ZNF827: variants seen among roughly 807,000 people sequenced by gnomAD.
The protein encoded by ZNF827 is zinc finger protein 827.
A neutral mutation model predicts 102.4 loss-of-function variants in ZNF827; 13 were observed. That is an observed-to-expected ratio of 0.13 (90% CI 0.08 to 0.20). The LOEUF is 0.20. Among genes scored for constraint, ZNF827 ranks in the 10% least tolerant of loss-of-function variants. The pLI, the probability that ZNF827 is intolerant of heterozygous loss-of-function variation, is 1.00. For missense variants in ZNF827, 1,103 were observed against 1,344.4 expected, an observed-to-expected ratio of 0.82 and a Z score of 2.81; for synonymous variants, 523 against 536.2, an observed-to-expected ratio of 0.98 and a Z score of 0.34.
At chr4:145,897,868 C>T (rs1751095738) in intron 2 of ZNF827, among the ~76,000 whole-genome samples, 1 of 152,130 alleles carries the variant, frequency 6.6e-6, no homozygotes, top group African/African-American at 2.4e-5. Context: ...CTTATTGAGA[C>T]TTATGGCCGG....
chr4:145,787,663 A>T (rs1739085130), intron 8 of ZNF827, among the ~76,000 whole-genome samples: 1 of 152,094 alleles, frequency 6.6e-6, no homozygotes, highest in African/African-American at 2.4e-5. Context: ...GGCCCTGGGA[A>T]TATGAAACCT....
intron 8 of ZNF827, among the ~76,000 whole-genome samples, chr4:145,809,402 G>C (rs982669663): frequency 6.6e-6 from 1 of 152,182 alleles, no homozygotes; most frequent in Non-Finnish European, 1.5e-5. Context: ...TAACCATGGG[G>C]AGAATTTAGT....
At chr4:145,792,527 T>C (rs957414244) in intron 8 of ZNF827, among the ~76,000 whole-genome samples, 10 of 144,678 alleles carry the variant, frequency 6.9e-5, no homozygotes, top group Non-Finnish European at 1.2e-4. Flanking sequence ...TAGGAATAGA[T>C]ATATAATTTT....
intron 4 of ZNF827, among the ~76,000 whole-genome samples, chr4:145,872,654 A>G (rs1748802721): frequency 6.6e-6 from 1 of 152,106 alleles, no homozygotes; most frequent in African/African-American, 2.4e-5. Context: ...AAGCAGGCAG[A>G]TCACTTGAGG....
intron 8 of ZNF827, among the ~76,000 whole-genome samples, chr4:145,811,850 T>C (rs1742041771): frequency 6.6e-6 from 1 of 152,068 alleles, no homozygotes; most frequent in Non-Finnish European, 1.5e-5. Context: ...GCTCATTTGA[T>C]AAAAAAGGTT....
At chr4:145,932,743 G>T (rs534127625) in intron 1 of ZNF827, among the ~76,000 whole-genome samples, 1 of 152,234 alleles carries the variant, frequency 6.6e-6, no homozygotes, top group African/African-American at 2.4e-5. Context: ...CAAAGTGTTG[G>T]GATTACAGGC....
chr4:145,867,983 A>G (rs138413848), intron 5 of ZNF827, among the ~76,000 whole-genome samples: 3 of 152,348 alleles, frequency 2.0e-5, no homozygotes, highest in East Asian at 3.9e-4. Flanking sequence ...TAAAATTACA[A>G]TTTGAGGAAA....
At chr4:145,932,980 C>T (rs558758192) in intron 1 of ZNF827, among the ~76,000 whole-genome samples, 2 of 152,264 alleles carry the variant, frequency 1.3e-5, no homozygotes, top group South Asian at 2.1e-4. Context: ...TAACACTGGC[C>T]GAAAGCTGTC....
rs181930192 is a variant in ZNF827, at chr4:145,912,012, T to G, written c.44-8797A>C. On this transcript the variant is annotated intron_variant, in intron 1 of 14. Coordinates refer to ENST00000508784, the MANE Select transcript of ZNF827 (RefSeq NM_001306215.2). ...CCCAAGTTCCAAAAAGTTAATGGCT[T>G]ACACAACATGCATGCTTACTGAGTG... is the stretch of plus-strand genomic sequence containing the variant. Among the ~76,000 whole-genome samples, 286 of 152,320 alleles carry G rather than the reference T, an allele frequency of 1.9e-3. 2 individuals are homozygous for G. The highest frequency in any genetic ancestry group is 3.3e-3 in the Non-Finnish European group (224 of 68,032).
rs750445175 is a variant in ZNF827 at position 145,870,309 on chromosome 4, C to T, written c.1917G>A (p.Lys639=). Reference sequence around the variant, plus strand: ...ACACATCCCGCCTTAGCACACTTCCCTTCCCTTCCTGGGGCTTTAGTGCGT... The same window carrying T: ...ACACATCCCGCCTTAGCACACTTCCTTTCCCTTCCTGGGGCTTTAGTGCGT... ...SEDALKPQEG[K]GSVLRRDVSV... Residue 639 remains lysine (K), a synonymous_variant, in exon 5 of 15, where the codon AAG becomes AAA. Coordinates refer to ENST00000508784, the MANE Select transcript of ZNF827 (RefSeq NM_001306215.2). The T allele has an allele frequency of 2.5e-6, 4 of 1,614,178 alleles. No individual in the cohort carries two copies. In the South Asian group the frequency reaches 3.3e-5, roughly 13 times the overall value.
At chr4:145,901,157 T>TC (rs1176138426) in intron 2 of ZNF827, among the ~76,000 whole-genome samples, 6 of 152,188 alleles carry the variant, frequency 3.9e-5, no homozygotes, top group Non-Finnish European at 7.3e-5. Flanking sequence ...CAAACCCTCT[T>TC]CATCATTGTT....
At chr4:145,837,679 C>T (rs1472244090) in intron 7 of ZNF827, among the ~76,000 whole-genome samples, 1 of 152,210 alleles carries the variant, frequency 6.6e-6, no homozygotes, top group Non-Finnish European at 1.5e-5. Context: ...GCTGGCAGGA[C>T]TATGCCGAAT....
chr4:145,787,334 G>A (rs984037808), intron 8 of ZNF827, among the ~76,000 whole-genome samples: 12 of 151,836 alleles, frequency 7.9e-5, no homozygotes, highest in East Asian at 1.9e-4. Context: ...GTGGTGGCGC[G>A]CGCCTGTAGT....
chr4:145,794,678 C>T (rs747836184), intron 8 of ZNF827, among the ~76,000 whole-genome samples: 11 of 151,668 alleles, frequency 7.3e-5, no homozygotes, highest in African/African-American at 9.7e-5. Context: ...TCAGCCCGGG[C>T]GACAGGGCGA....
chr4:145,774,904 G>A (rs1485323441), intron 10 of ZNF827, among the ~76,000 whole-genome samples: 1 of 152,202 alleles, frequency 6.6e-6, no homozygotes, highest in Non-Finnish European at 1.5e-5. Flanking sequence ...TCACATATGT[G>A]TTATAATGAT....
intron 7 of ZNF827, among the ~76,000 whole-genome samples, chr4:145,828,876 T>C (rs1053234451): frequency 1.3e-5 from 2 of 152,176 alleles, no homozygotes; most frequent in African/African-American, 4.8e-5. Context: ...GTGATACATT[T>C]TGCTAAGTGC....
chr4:145,798,489 A>C (rs1422097694), intron 8 of ZNF827, among the ~76,000 whole-genome samples: 1 of 152,110 alleles, frequency 6.6e-6, no homozygotes, highest in East Asian at 1.9e-4. Flanking sequence ...AATGTGGTGA[A>C]ACCTCGTCTC....
At chr4:145,870,111 T>C in intron 5 of ZNF827, 134 bp downstream of exon 5, 1 of 830,100 alleles carries the variant, frequency 1.2e-6, no homozygotes, top group Non-Finnish European at 1.9e-6. Context: ...CCAAGTAATC[T>C]GATCGTTCTT....
rs556150118 is a variant in ZNF827 at position 145,794,538 on chromosome 4, T to C, written c.2384-15027A>G. Among the ~76,000 whole-genome samples the C allele has an allele frequency of 7.0e-4, 107 of 152,052 alleles. 2 individuals are homozygous for C. The highest frequency in any genetic ancestry group is 2.5e-3 in the African/African-American group (102 of 41,478). On this transcript the variant is annotated intron_variant, in intron 8 of 14. Coordinates refer to ENST00000508784, the MANE Select transcript of ZNF827 (RefSeq NM_001306215.2). ...CCTGTCTCTACAAAAAGTACAAAAA[T>C]TAGCCAGGTATGGTGGTGTGTGCCT... is the stretch of plus-strand genomic sequence containing the variant.
Sources: allele counts gnomAD v4.1 joint callset (sites outside exome capture counted in the v4.1 genomes callset), GRCh38; gene constraint gnomAD v4.1.1; transcripts MANE v1.5; gene names NCBI Gene and HGNC (gene_info 2026-07-23, HGNC 2026-07-21).